MLIP: variants seen among roughly 807,000 people sequenced by gnomAD.
MLIP encodes the protein muscular LMNA-interacting protein.
MLIP carries 79 observed loss-of-function variants against 84.8 expected under a neutral mutation model. The observed-to-expected ratio is 0.93, with a 90% CI of 0.78 to 1.12. The LOEUF (loss-of-function observed/expected upper bound fraction) is 1.12, where lower values mean the gene tolerates loss of function less well. Ranked by LOEUF, MLIP falls within the 50% of genes most tolerant of loss-of-function variation. MLIP has a pLI of 0.00. For synonymous variants in MLIP, 504 were observed against 463.0 expected (o/e 1.09, Z -1.14); for missense variants, 1,257 against 1,160.6 (o/e 1.08, Z -1.21).
intron 11 of MLIP, chr6:54,216,964 T>A: frequency 1.0e-6 from 1 of 985,392 alleles, no homozygotes; most frequent in Non-Finnish European, 1.2e-6. Context: ...ATTAGCAAGG[T>A]GTTGATTTAA....
intron 11 of MLIP, among the ~76,000 whole-genome samples, chr6:54,219,191 C>T (rs1056307120): frequency 2.7e-5 from 4 of 150,232 alleles, no homozygotes; most frequent in South Asian, 2.1e-4. Flanking sequence ...GGGGACAGAG[C>T]GAGACTCCGT....
rs367934632 is a variant in MLIP, at chr6:54,124,917, C to A, written c.645+52C>A. ...AAGGAAAAAAAAAGCGTTTATGCAC[C>A]CTTTGTCTTGGGCGGTCTGCAAAGG... is the stretch of plus-strand genomic sequence containing the variant. On this transcript the variant is annotated intron_variant, in intron 3 of 13. Transcript: ENST00000502396. The A allele has an allele frequency of 7.3e-5, 109 of 1,499,416 alleles. No homozygotes were observed. In the African/African-American group the frequency reaches 1.3e-3, roughly 18 times the overall value. The allele number at this position is 1,499,416 out of a possible 1,614,324, so 92.9% of individuals were successfully genotyped here.
chr6:54,072,239 C>G (rs1766531421), intron 1 of MLIP, among the ~76,000 whole-genome samples: 1 of 152,140 alleles, frequency 6.6e-6, no homozygotes. Context: ...TCACCCTTTC[C>G]CTGACCAATC....
chr6:54,115,999 G>C (rs772558261), intron 1 of MLIP, among the ~76,000 whole-genome samples: 3 of 152,186 alleles, frequency 2.0e-5, no homozygotes, highest in African/African-American at 4.8e-5. Context: ...AAGGTATACA[G>C]TGAAAAGGTT....
At chr6:54,203,583 T>C (rs1223428592) in intron 11 of MLIP, 3 of 152,300 alleles carry the variant, frequency 2.0e-5, no homozygotes, top group Non-Finnish European at 4.4e-5. Flanking sequence ...TTTCTTTCTT[T>C]CTTCCTTTCT....
intron 1 of MLIP, among the ~76,000 whole-genome samples, chr6:54,035,579 C>T (rs1005924854): frequency 2.6e-5 from 4 of 151,938 alleles, no homozygotes; most frequent in Admixed American, 1.3e-4. Context: ...TTTTACATTC[C>T]TATCAGCAAT....
chr6:54,080,813 C>T (rs16884668), intron 1 of MLIP, among the ~76,000 whole-genome samples: 17,460 of 149,780 alleles, frequency 0.12, 1,094 homozygotes, highest in African/African-American at 0.15. Context: ...AAGCCAAGTA[C>T]CCAAAGGGCT....
intron 12 of MLIP, among the ~76,000 whole-genome samples, chr6:54,244,320 T>G (rs1781932448): frequency 6.6e-6 from 1 of 152,144 alleles, no homozygotes; most frequent in South Asian, 2.1e-4. Context: ...ATATTTGAGA[T>G]TGTTGGAATT....
intron 12 of MLIP, among the ~76,000 whole-genome samples, chr6:54,234,041 G>T (rs1781194087): frequency 6.6e-6 from 1 of 152,080 alleles, no homozygotes; most frequent in African/African-American, 2.4e-5. Context: ...TTTTGATGGG[G>T]TTGTTTGTTT....
intron 9 of MLIP, among the ~76,000 whole-genome samples, chr6:54,176,346 A>G (rs1322655725): frequency 1.3e-5 from 2 of 151,778 alleles, no homozygotes; most frequent in African/African-American, 4.8e-5. Context: ...CATAAAATTC[A>G]GCAGTGAAGC....
At chr6:54,190,194 T>G (rs1417260773) in intron 10 of MLIP, among the ~76,000 whole-genome samples, 1 of 152,038 alleles carries the variant, frequency 6.6e-6, no homozygotes, top group Non-Finnish European at 1.5e-5. Flanking sequence ...CCATTAGAAT[T>G]TAGAGAAGAG....
At chr6:54,229,181 G>C (rs1427760751) in intron 11 of MLIP, among the ~76,000 whole-genome samples, 1 of 152,078 alleles carries the variant, frequency 6.6e-6, no homozygotes, top group Admixed American at 6.6e-5. Flanking sequence ...ACTTCTAAGA[G>C]AATCAAGTGA....
intron 12 of MLIP, among the ~76,000 whole-genome samples, chr6:54,240,611 G>T (rs1453011142): frequency 6.6e-6 from 1 of 152,136 alleles, no homozygotes; most frequent in Non-Finnish European, 1.5e-5. Flanking sequence ...CATTTAGTTC[G>T]GTTTCAAAAC....
In MLIP at chr6:54,136,758, C is replaced by T. The variant is rs943762496; in HGVS notation, c.689C>T (p.Pro230Leu). The T allele has an allele frequency of 8.6e-5, 131 of 1,515,042 alleles. 1 individual carries two copies. Among genetic ancestry groups the T allele is most frequent in the Non-Finnish European group, 1.1e-4 (120 of 1,130,852 alleles). The allele number at this position is 1,515,042 out of a possible 1,614,324, so 93.8% of individuals were successfully genotyped here. Residue 230 changes from proline (P) to leucine (L), a missense_variant, in exon 4 of 14, where the codon CCA (proline) becomes CTA (leucine). Transcript: ENST00000502396. Reference sequence around the variant, plus strand: ...ACCTCTGAGCAGCTTGCCTGTAAACCACCTGCTTTCTCCTTTGTTTCTCCA... The same window carrying T: ...ACCTCTGAGCAGCTTGCCTGTAAACTACCTGCTTTCTCCTTTGTTTCTCCA... ...PTTSEQLACKPPAFSFVSPTN... is the reference protein window; with the variant it reads ...PTTSEQLACKLPAFSFVSPTN...
At chr6:54,176,002 T>C (rs773033393) in intron 9 of MLIP, among the ~76,000 whole-genome samples, 1 of 152,092 alleles carries the variant, frequency 6.6e-6, no homozygotes, top group Non-Finnish European at 1.5e-5. Flanking sequence ...GTTTTTGTCA[T>C]TTATTTTGTT....
chr6:54,192,986 T>C (rs1778051135), intron 10 of MLIP, among the ~76,000 whole-genome samples: 1 of 152,230 alleles, frequency 6.6e-6, no homozygotes, highest in African/African-American at 2.4e-5. Flanking sequence ...CATTTTTTCA[T>C]GCTTTCAAAT....
intron 1 of MLIP, among the ~76,000 whole-genome samples, chr6:54,054,854 A>G (rs1417568105): frequency 1.3e-5 from 2 of 151,908 alleles, no homozygotes; most frequent in African/African-American, 4.8e-5. Flanking sequence ...ACATAAGTAT[A>G]TTAGTTACAG....
At chr6:54,093,068 G>C (rs1290254837) in intron 1 of MLIP, among the ~76,000 whole-genome samples, 1 of 151,918 alleles carries the variant, frequency 6.6e-6, no homozygotes, top group Non-Finnish European at 1.5e-5. Flanking sequence ...GCAGAGATGG[G>C]GTTTCACCAT....
chr6:54,036,658 A>C (rs1403873925), intron 1 of MLIP, among the ~76,000 whole-genome samples: 2 of 152,054 alleles, frequency 1.3e-5, no homozygotes, highest in Admixed American at 6.6e-5. Flanking sequence ...TGGTACAATC[A>C]ATATGAAAAA....
Sources: gnomAD v4.1 joint callset for allele counts (sites outside exome capture counted in the v4.1 genomes callset) on GRCh38, gnomAD v4.1.1 for gene constraint, MANE v1.5 for transcripts, NCBI Gene and HGNC (gene_info 2026-07-23, HGNC 2026-07-21) for gene names.